The following ZFHX3 variants were observed in gnomAD, a reference collection of about 807,000 sequenced individuals.
ZFHX3 encodes the protein zinc finger homeobox 3.
A neutral mutation model predicts 279.1 loss-of-function variants in ZFHX3; 42 were observed. That is an observed-to-expected ratio of 0.15 (90% CI 0.12 to 0.19). The LOEUF is 0.19. ZFHX3 is among the 10% of genes least tolerant of loss of function. The pLI, the probability that ZFHX3 is intolerant of heterozygous loss-of-function variation, is 1.00. For missense variants in ZFHX3, 4,981 were observed against 4,754.0 expected (o/e 1.05, Z -1.40); for synonymous variants, 2,293 against 1,957.8 (o/e 1.17, Z -4.52).
chr16:73,223,846 A>C (rs1208808872), intron 5 of ZFHX3, among the ~76,000 whole-genome samples: 4 of 152,246 alleles, frequency 2.6e-5, no homozygotes, highest in Non-Finnish European at 5.9e-5. Context: ...GTACACCCAG[A>C]CAATGGGACA....
At chr16:73,003,483 T>A (rs1172407359) in intron 1 of ZFHX3, among the ~76,000 whole-genome samples, 1 of 150,252 alleles carries the variant, frequency 6.7e-6, no homozygotes, top group Non-Finnish European at 1.5e-5. Context: ...AGGTCAGGAG[T>A]TCGAGACCAG....
chr16:73,786,217 G>A (rs958436134), intron 1 of ZFHX3, among the ~76,000 whole-genome samples: 3 of 151,884 alleles, frequency 2.0e-5, no homozygotes, highest in Middle Eastern at 3.2e-3. Context: ...TTTCATGGAT[G>A]TGGCCTCTTC....
chr16:72,850,809 T>C (rs990077603), intron 4 of ZFHX3, among the ~76,000 whole-genome samples: 4 of 151,330 alleles, frequency 2.6e-5, no homozygotes, highest in Admixed American at 2.0e-4. Context: ...AAAAAAATAA[T>C]AAATCAAAAA....
intron 1 of ZFHX3, among the ~76,000 whole-genome samples, chr16:72,988,871 G>T (rs1456880723): frequency 2.0e-5 from 3 of 152,188 alleles, no homozygotes; most frequent in African/African-American, 4.8e-5. Flanking sequence ...TGAGGAAGCA[G>T]GCAATGAAAT....
intron 3 of ZFHX3, among the ~76,000 whole-genome samples, chr16:73,393,891 TA>T (rs1465774055): frequency 3.4e-5 from 5 of 148,386 alleles, no homozygotes; most frequent in African/African-American, 1.2e-4. Context: ...ATCTCATGTA[TA>T]TCATATATGT....
In ZFHX3 at chr16:73,285,942, T is replaced by C. The variant is rs535279808; in HGVS notation, c.-1193-28806A>G. 1.2e-4 allele frequency among the ~76,000 whole-genome samples: 19 copies of C among 152,364 alleles called. 1 individual carries two copies. Among genetic ancestry groups the C allele is most frequent in the Non-Finnish European group, 1.6e-4 (11 of 68,032 alleles). ...CTGGTGATTTATAAGATTGTTTGCA[T>C]ATATTATATTTTAAAACACATATTG... On this transcript the variant is annotated intron_variant, in intron 4 of 17. Coordinates refer to the ZFHX3 transcript ENST00000641206.
chr16:72,996,622 G>A (rs1963304046), intron 1 of ZFHX3, among the ~76,000 whole-genome samples: 1 of 152,260 alleles, frequency 6.6e-6, no homozygotes, highest in Non-Finnish European at 1.5e-5. Context: ...TACAAGGCGG[G>A]GAGGGGCTGG....
chr16:73,218,507 G>T (rs2012293406), intron 5 of ZFHX3, among the ~76,000 whole-genome samples: 1 of 152,180 alleles, frequency 6.6e-6, no homozygotes, highest in Admixed American at 6.5e-5. Flanking sequence ...GGTGGCTCAT[G>T]CCTGTAATCC....
intron 1 of ZFHX3, among the ~76,000 whole-genome samples, chr16:73,806,411 C>T (rs1960277156): frequency 6.6e-6 from 1 of 152,128 alleles, no homozygotes; most frequent in Non-Finnish European, 1.5e-5. Flanking sequence ...AGAGATGGAG[C>T]CGGAGTGAGA....
chr16:73,143,060 A>G (rs1292481206), intron 6 of ZFHX3, among the ~76,000 whole-genome samples: 1 of 151,798 alleles, frequency 6.6e-6, no homozygotes, highest in Non-Finnish European at 1.5e-5. Flanking sequence ...GGCCTCAAAT[A>G]TGTCACTTGA....
chr16:73,265,109 G>GTGTGTA (rs1053383715), intron 4 of ZFHX3, among the ~76,000 whole-genome samples: 9 of 145,230 alleles, frequency 6.2e-5, no homozygotes, highest in Non-Finnish European at 9.2e-5. Context: ...GTGTGTGTGT[G>GTGTGTA]TATATAACAG....
chr16:73,667,646 G>C (rs926682993), intron 2 of ZFHX3, among the ~76,000 whole-genome samples: 4 of 152,194 alleles, frequency 2.6e-5, no homozygotes, highest in African/African-American at 7.2e-5. Context: ...GGAGCTATGA[G>C]AACATTTAAA....
At chr16:73,412,499 A>G (rs1454113086) in intron 3 of ZFHX3, among the ~76,000 whole-genome samples, 1 of 84,522 alleles carries the variant, frequency 1.2e-5, no homozygotes, top group Non-Finnish European at 2.4e-5. Flanking sequence ...CTTACAGTAG[A>G]CAACTCCCTC....
chr16:73,779,494 A>T (rs1276415913), intron 1 of ZFHX3, among the ~76,000 whole-genome samples: 1 of 152,096 alleles, frequency 6.6e-6, no homozygotes, highest in Non-Finnish European at 1.5e-5. Context: ...AAAATCCCAC[A>T]CATTGCTCAT....
chr16:73,278,229 T>A (rs1466923305), intron 4 of ZFHX3, among the ~76,000 whole-genome samples: 7 of 152,228 alleles, frequency 4.6e-5, no homozygotes, highest in Non-Finnish European at 1.0e-4. Context: ...TTCTCCTAAG[T>A]TAAAATAAAG....
Position 73,707,687 on chromosome 16 carries a change from ATAT to A in ZFHX3, c.-1607-27450_-1607-27448del, listed in dbSNP as rs1300537263. ...GCACACCAACATGGCACATGTGTAC[ATAT>A]GTGACAAACCTGCACGTTGTGCACA... On this transcript the variant is annotated intron_variant, in intron 1 of 17. Coordinates refer to the ZFHX3 transcript ENST00000641206. 2.6e-5 allele frequency among the ~76,000 whole-genome samples: 4 copies of A among 152,084 alleles called. No homozygotes were observed. The East Asian group carries it at 7.8e-4, about 30-fold the overall frequency.
intron 5 of ZFHX3, among the ~76,000 whole-genome samples, chr16:73,147,464 G>T (rs550860359): frequency 6.6e-6 from 1 of 151,720 alleles, no homozygotes; most frequent in Non-Finnish European, 1.5e-5. Context: ...AGGCCGAGGC[G>T]GGCGGATCAC....
At chr16:73,254,931 C>T (rs1330382571) in intron 5 of ZFHX3, among the ~76,000 whole-genome samples, 1 of 151,910 alleles carries the variant, frequency 6.6e-6, no homozygotes, top group East Asian at 1.9e-4. Context: ...CACCCACCCA[C>T]CATCCATCCA....
intron 5 of ZFHX3, among the ~76,000 whole-genome samples, chr16:73,148,653 TAAAG>T (rs1178001047): frequency 1.5e-5 from 2 of 130,668 alleles, no homozygotes; most frequent in Non-Finnish European, 3.1e-5. Flanking sequence ...ATTTTAAAAA[TAAAG>T]AAAGTTGGGT....
Sources: allele counts gnomAD v4.1 joint callset (sites outside exome capture counted in the v4.1 genomes callset), GRCh38; gene constraint gnomAD v4.1.1; transcripts MANE v1.5; gene names NCBI Gene and HGNC (gene_info 2026-07-23, HGNC 2026-07-21).